Variants in MAPKAP1 observed in about 807,000 individuals in gnomAD.
MAPKAP1 encodes the protein MAPK associated protein 1, also known as target of rapamycin complex 2 subunit MAPKAP1.
Under a neutral mutation model 65.7 loss-of-function variants are expected in MAPKAP1, and 20 were observed. That is an observed-to-expected ratio of 0.30 (90% confidence interval 0.21 to 0.44). The LOEUF (loss-of-function observed/expected upper bound fraction) is 0.44, where lower values mean the gene tolerates loss of function less well. Ranked by LOEUF, MAPKAP1 falls within the 20% of genes least tolerant of loss-of-function variation. The pLI, the probability that MAPKAP1 is intolerant of heterozygous loss-of-function variation, is 1.00. For synonymous variants in MAPKAP1, 222 were observed against 244.3 expected, an observed-to-expected ratio of 0.91 and a Z score of 0.85; for missense variants, 423 against 648.0, an observed-to-expected ratio of 0.65 and a Z score of 3.77.
intron 3 of MAPKAP1, among the ~76,000 whole-genome samples, chr9:125,664,294 C>A (rs1834272600): frequency 6.6e-6 from 1 of 151,314 alleles, no homozygotes; most frequent in African/African-American, 2.4e-5. Context: ...TTGCAGTGAG[C>A]CGAGATCATG....
At chr9:125,483,832 C>G (rs1462141538) in intron 9 of MAPKAP1, among the ~76,000 whole-genome samples, 1 of 152,102 alleles carries the variant, frequency 6.6e-6, no homozygotes, top group Non-Finnish European at 1.5e-5. Context: ...AACACAGTGA[C>G]TAATACACAG....
intron 10 of MAPKAP1, among the ~76,000 whole-genome samples, chr9:125,456,254 T>G (rs1226962056): frequency 6.6e-6 from 1 of 152,260 alleles, no homozygotes; most frequent in African/African-American, 2.4e-5. Context: ...TAGCTTTCAT[T>G]TGGCTTCCAA....
In MAPKAP1 at chr9:125,595,629, C is replaced by A; in HGVS notation, c.499-9902G>T. ...GCTTACTCCTTTCTGCCTGTGGACA[C>A]GCCAAGGAAGCATCGTTAAAGTCTC... On this transcript the variant is annotated intron_variant, in intron 4 of 11. Transcript: ENST00000265960. This position sits in a 1 kb window ranked among gnomAD's most constrained non-coding sequence, Gnocchi z 4.0. 1 of 1,433,770 alleles carries A rather than the reference C, an allele frequency of 7.0e-7. No individual in the cohort carries two copies. Among genetic ancestry groups the A allele is most frequent in the Admixed American group, 2.5e-5 (1 of 39,650 alleles). The allele number at this position is 1,433,770 out of a possible 1,614,324, so 88.8% of individuals were successfully genotyped here.
intron 7 of MAPKAP1, among the ~76,000 whole-genome samples, chr9:125,508,609 G>T (rs147629336): frequency 2.7e-4 from 41 of 152,218 alleles, no homozygotes; most frequent in Non-Finnish European, 5.4e-4. Context: ...CCAGCGCTTT[G>T]GGGGAGCCAA....
chr9:125,614,921 T>A (rs1312223435), intron 4 of MAPKAP1, among the ~76,000 whole-genome samples: 1 of 152,136 alleles, frequency 6.6e-6, no homozygotes, highest in East Asian at 1.9e-4. Context: ...ATTTTTTAAA[T>A]TTTCAGCTCT....
At chr9:125,459,071 A>G (rs1419625938) in intron 10 of MAPKAP1, among the ~76,000 whole-genome samples, 3 of 128,048 alleles carry the variant, frequency 2.3e-5, no homozygotes, top group South Asian at 2.8e-4. Flanking sequence ...GGCGGTTGCC[A>G]GGCAGAGGGT....
intron 5 of MAPKAP1, among the ~76,000 whole-genome samples, chr9:125,566,079 T>A (rs1831043841): frequency 6.6e-6 from 1 of 152,220 alleles, no homozygotes; most frequent in African/African-American, 2.4e-5. Context: ...AGCACACACC[T>A]GAAGAAGGGC....
chr9:125,645,453 T>C (rs759035794), intron 4 of MAPKAP1, among the ~76,000 whole-genome samples: 1 of 152,164 alleles, frequency 6.6e-6, no homozygotes, highest in Admixed American at 6.5e-5. Flanking sequence ...AGATACCAAA[T>C]TGGCCAGGTA....
intron 4 of MAPKAP1, among the ~76,000 whole-genome samples, chr9:125,611,817 A>C (rs920467973): frequency 2.0e-5 from 3 of 152,210 alleles, no homozygotes; most frequent in Non-Finnish European, 2.9e-5. Flanking sequence ...CAAAGAAAAA[A>C]TAGTCACAAT....
intron 10 of MAPKAP1, among the ~76,000 whole-genome samples, chr9:125,454,224 G>T (rs371615608): frequency 9.0e-4 from 137 of 152,340 alleles, no homozygotes; most frequent in Non-Finnish European, 9.9e-4. Flanking sequence ...TGTGTAAGTT[G>T]TTCTAGTAAA....
chr9:125,635,919 A>T (rs1330417203), intron 4 of MAPKAP1, among the ~76,000 whole-genome samples: 1 of 152,216 alleles, frequency 6.6e-6, no homozygotes, highest in Non-Finnish European at 1.5e-5. Context: ...GTTTTCACTA[A>T]ATTAAACTAA....
chr9:125,693,846 T>TACACACACACAC (rs1554844769), intron 1 of MAPKAP1, among the ~76,000 whole-genome samples: 8 of 135,444 alleles, frequency 5.9e-5, no homozygotes, highest in African/African-American at 2.2e-4. Context: ...TATACACACA[T>TACACACACACAC]ACACACACAC....
chr9:125,442,588 T>C (rs980900785), intron 11 of MAPKAP1, among the ~76,000 whole-genome samples: 8 of 150,966 alleles, frequency 5.3e-5, no homozygotes, highest in Non-Finnish European at 1.0e-4. Context: ...AATATTTCTC[T>C]GCCAGGTCCC....
intron 6 of MAPKAP1, among the ~76,000 whole-genome samples, chr9:125,556,262 G>A (rs1418160330): frequency 1.3e-5 from 2 of 152,182 alleles, no homozygotes; most frequent in Admixed American, 6.5e-5. Flanking sequence ...GGCTAGGATC[G>A]GCATCCAAGC....
chr9:125,625,822 AC>A (rs1280538310), intron 4 of MAPKAP1, among the ~76,000 whole-genome samples: 38 of 152,318 alleles, frequency 2.5e-4, no homozygotes, highest in African/African-American at 6.7e-4. Context: ...CAATAAAAAA[AC>A]AAAAAACTGA....
intron 4 of MAPKAP1, among the ~76,000 whole-genome samples, chr9:125,638,541 TAC>T (rs1352876880): frequency 2.6e-5 from 4 of 152,210 alleles, no homozygotes; most frequent in Non-Finnish European, 5.9e-5. Context: ...GCACACAAAA[TAC>T]ACTTTAATAT....
intron 1 of MAPKAP1, among the ~76,000 whole-genome samples, chr9:125,678,586 A>G (rs1834726235): frequency 6.6e-6 from 1 of 152,190 alleles, no homozygotes; most frequent in African/African-American, 2.4e-5. Flanking sequence ...TACACTTCAA[A>G]TGAATAAATA....
At chr9:125,602,702 C>T (rs536926682) in intron 4 of MAPKAP1, among the ~76,000 whole-genome samples, 5 of 152,226 alleles carry the variant, frequency 3.3e-5, no homozygotes, top group African/African-American at 7.2e-5. Context: ...TTATTGGGCA[C>T]CTATCAGGGT....
chr9:125,652,399 CT>C (rs899607151), intron 4 of MAPKAP1: 2 of 461,436 alleles, frequency 4.3e-6, no homozygotes, highest in African/African-American at 2.1e-5. Flanking sequence ...AATATTTCCC[CT>C]GATACATTTT....
Sources: gnomAD v4.1 joint callset for allele counts (sites outside exome capture counted in the v4.1 genomes callset) on GRCh38, gnomAD v4.1.1 for gene constraint, Gnocchi (gnomAD v3.1) non-coding constraint, MANE v1.5 for transcripts, NCBI Gene and HGNC (gene_info 2026-07-23, HGNC 2026-07-21) for gene names.